The following PLCB4 variants were observed in gnomAD, a reference collection of about 807,000 sequenced individuals.
PLCB4 encodes the protein 1-phosphatidylinositol 4,5-bisphosphate phosphodiesterase beta-4.
In PLCB4, 77 loss-of-function variants were observed where a neutral mutation model predicts 178.8. The ratio of observed to expected loss-of-function variants is 0.43; its 90% CI spans 0.36 to 0.52. The LOEUF is 0.52. Ranked by LOEUF, PLCB4 falls within the 20% of genes least tolerant of loss-of-function variation. The pLI is 0.00. For synonymous variants in PLCB4, 496 were observed against 490.8 expected (o/e 1.01, Z -0.14); for missense variants, 1,024 against 1,453.4 (o/e 0.70, Z 4.80).
chr20:9,398,717 T>A (rs1602377967), intron 19 of PLCB4, among the ~76,000 whole-genome samples: 2 of 151,820 alleles, frequency 1.3e-5, no homozygotes, highest in East Asian at 3.9e-4. Flanking sequence ...TTATTATTTT[T>A]GAGATGGAGT....
intron 33 of PLCB4, 43 bp from the exon 34 acceptor site, chr20:9,457,371 A>G: frequency 1.1e-6 from 1 of 913,124 alleles, no homozygotes; most frequent in Non-Finnish European, 1.9e-6. Context: ...GGAATGGGAA[A>G]ATATCTAATT....
chr20:9,145,907 G>C (rs1335368619), intron 2 of PLCB4, among the ~76,000 whole-genome samples: 2 of 152,060 alleles, frequency 1.3e-5, no homozygotes, highest in Admixed American at 1.3e-4. Flanking sequence ...GATACATAAA[G>C]GGCAAATTGA....
intron 2 of PLCB4, among the ~76,000 whole-genome samples, chr20:9,160,739 G>A (rs1377072160): frequency 6.6e-6 from 1 of 152,178 alleles, no homozygotes; most frequent in East Asian, 1.9e-4. Context: ...AGAAGGGAGA[G>A]CCTGCAAGGG....
At chr20:9,349,498 G>T (rs560528208) in intron 7 of PLCB4, among the ~76,000 whole-genome samples, 2 of 152,272 alleles carry the variant, frequency 1.3e-5, no homozygotes, top group African/African-American at 2.4e-5. Context: ...TTTCATGGGC[G>T]CTCAGCTCTT....
At chr20:9,105,687 T>TG (rs2091336437) in intron 2 of PLCB4, among the ~76,000 whole-genome samples, 1 of 152,106 alleles carries the variant, frequency 6.6e-6, no homozygotes, top group Non-Finnish European at 1.5e-5. Flanking sequence ...ATGATAAGAT[T>TG]GGTGTTTCAG....
intron 16 of PLCB4, 129 bp from the exon 17 acceptor site, chr20:9,390,402 C>T (rs1285502136): frequency 3.8e-6 from 2 of 526,766 alleles, no homozygotes; most frequent in Admixed American, 3.5e-5. Context: ...ATACATCTCA[C>T]ATTAGCATTA....
At chr20:9,306,114 C>G (rs2147860888) in intron 3 of PLCB4, among the ~76,000 whole-genome samples, 1 of 151,822 alleles carries the variant, frequency 6.6e-6, no homozygotes, top group Admixed American at 6.6e-5. Context: ...TAAACCTTTC[C>G]TTTCTATTTT....
At position 9,320,275 on chromosome 20, in the gene PLCB4, C is replaced by T. The variant is rs370986350; in HGVS notation, c.84+12377C>T. On this transcript the variant is annotated intron_variant, in intron 4 of 39. Coordinates refer to ENST00000378473, the MANE Select transcript of PLCB4 (RefSeq NM_001377142.1). ...TTTTTAGACTATATAGGGTAACTTC[C>T]GGACATTGCCGTGGCATTTGTAAAC... 4.2e-4 allele frequency among the ~76,000 whole-genome samples: 64 copies of T among 152,278 alleles called. No homozygotes were observed. In the South Asian group the frequency reaches 0.013, roughly 31 times the overall value.
At chr20:9,440,031 T>C (rs903398273) in intron 30 of PLCB4, among the ~76,000 whole-genome samples, 20 of 152,230 alleles carry the variant, frequency 1.3e-4, no homozygotes, top group Admixed American at 9.8e-4. Context: ...AAAGTGTCAT[T>C]GGCTGGGACA....
intron 2 of PLCB4, among the ~76,000 whole-genome samples, chr20:9,186,554 C>T (rs528062552): frequency 2.0e-5 from 3 of 152,248 alleles, no homozygotes; most frequent in East Asian, 1.9e-4. Context: ...TGAATTGTCC[C>T]GAGGTCATGG....
At chr20:9,190,998 G>A (rs990177760) in intron 2 of PLCB4, among the ~76,000 whole-genome samples, 3 of 152,116 alleles carry the variant, frequency 2.0e-5, no homozygotes, top group African/African-American at 7.2e-5. Flanking sequence ...CCAGTATGAA[G>A]TAATAGTATA....
chr20:9,113,041 T>C (rs1358950093), intron 2 of PLCB4, among the ~76,000 whole-genome samples: 1 of 152,020 alleles, frequency 6.6e-6, no homozygotes, highest in African/African-American at 2.4e-5. Context: ...AATGCAGCAG[T>C]CTAGGAGGTG....
At chr20:9,398,122 G>C (rs2038745998) in intron 19 of PLCB4, among the ~76,000 whole-genome samples, 1 of 152,182 alleles carries the variant, frequency 6.6e-6, no homozygotes, top group Admixed American at 6.5e-5. Flanking sequence ...ACATCTAAGA[G>C]CCAGTGTCTC....
intron 7 of PLCB4, among the ~76,000 whole-genome samples, chr20:9,353,748 C>T (rs1284034985): frequency 6.6e-6 from 1 of 152,220 alleles, no homozygotes; most frequent in East Asian, 1.9e-4. Context: ...CCCTTAGCCT[C>T]TGGCTCCTCC....
In PLCB4 at chr20:9,435,549, T is replaced by C; in HGVS notation, c.2525-11T>C. On this transcript the variant is annotated splice_polypyrimidine_tract_variant and intron_variant, in intron 28 of 39. Transcript: ENST00000378473. ...AGAATTAACGGCTCATTGGGTTTTTTTTTCCCCTAGATATCGTGGATGCTT... is the reference window on the plus strand; with the variant it reads ...AGAATTAACGGCTCATTGGGTTTTTCTTTCCCCTAGATATCGTGGATGCTT... 6.5e-7 allele frequency: 1 copy of C among 1,534,930 alleles called. No homozygotes were observed.
intron 7 of PLCB4, among the ~76,000 whole-genome samples, chr20:9,350,163 A>G (rs1040594598): frequency 2.6e-5 from 4 of 152,302 alleles, no homozygotes; most frequent in Middle Eastern, 3.4e-3. Flanking sequence ...TTTAAAAAAA[A>G]AACAGGAAAA....
At chr20:9,402,927 A>T (rs1286528734) in intron 20 of PLCB4, among the ~76,000 whole-genome samples, 1 of 152,226 alleles carries the variant, frequency 6.6e-6, no homozygotes, top group Non-Finnish European at 1.5e-5. Flanking sequence ...TAGCATTGCC[A>T]TCTGACTCTT....
At chr20:9,326,393 A>G (rs1242163464) in intron 4 of PLCB4, among the ~76,000 whole-genome samples, 1 of 152,150 alleles carries the variant, frequency 6.6e-6, no homozygotes, top group Non-Finnish European at 1.5e-5. Flanking sequence ...ACACCAGAAT[A>G]AGCGTTCTCT....
intron 3 of PLCB4, among the ~76,000 whole-genome samples, chr20:9,291,309 A>G (rs1006020506): frequency 6.6e-6 from 1 of 152,164 alleles, no homozygotes; most frequent in African/African-American, 2.4e-5. Flanking sequence ...CAAAGACAGC[A>G]TCTAATATTT....
Sources: gnomAD v4.1 joint callset for allele counts (sites outside exome capture counted in the v4.1 genomes callset) on GRCh38, gnomAD v4.1.1 for gene constraint, MANE v1.5 for transcripts, NCBI Gene and HGNC (gene_info 2026-07-23, HGNC 2026-07-21) for gene names.